Variants in SUPT3H observed in about 807,000 individuals in gnomAD.
The protein encoded by SUPT3H is SPT3 homolog, SAGA and STAGA complex component, also known as transcription initiation protein SPT3 homolog.
A neutral mutation model predicts 44.3 loss-of-function variants in SUPT3H; 44 were observed. The observed-to-expected ratio is 0.99, with a 90% CI of 0.78 to 1.28. SUPT3H has a LOEUF of 1.28. Ranked by LOEUF, SUPT3H falls within the 50% of genes most tolerant of loss-of-function variation. The pLI is 0.00. For missense variants in SUPT3H, 380 were observed against 387.1 expected (o/e 0.98, Z 0.15); for synonymous variants, 124 against 125.6 (o/e 0.99, Z 0.09).
intron 10 of SUPT3H, among the ~76,000 whole-genome samples, chr6:44,907,134 C>CA (rs1766233726): frequency 6.6e-6 from 1 of 152,080 alleles, no homozygotes; most frequent in Non-Finnish European, 1.5e-5. Flanking sequence ...ATAACAAAAA[C>CA]CATTATGTTT....
intron 2 of SUPT3H, among the ~76,000 whole-genome samples, chr6:45,295,954 T>C (rs1781122655): frequency 6.6e-6 from 1 of 152,116 alleles, no homozygotes; most frequent in Non-Finnish European, 1.5e-5. Flanking sequence ...AACTACCATT[T>C]GATCCAGCAA....
intron 2 of SUPT3H, among the ~76,000 whole-genome samples, chr6:45,279,817 C>A (rs530564961): frequency 1.3e-5 from 2 of 152,150 alleles, no homozygotes; most frequent in Non-Finnish European, 2.9e-5. Flanking sequence ...TATATCCGGT[C>A]CAGAAATCTC....
chr6:45,230,680 A>ATT (rs1257695683), intron 2 of SUPT3H, among the ~76,000 whole-genome samples: 5 of 110,974 alleles, frequency 4.5e-5, no homozygotes, highest in African/African-American at 1.8e-4. Context: ...ATATATATAT[A>ATT]TATATATTTT....
chr6:44,847,634 T>C lies in SUPT3H; in HGVS notation c.913-17777A>G, dbSNP rs1772101479. On this transcript the variant is annotated intron_variant, in intron 10 of 10. Transcript: ENST00000371459. ...TTCTGAGTAGCTGGGACTACAGGCATGTGCCACCATGCCCAGCTAATTTTT... is the reference window on the plus strand; with the variant it reads ...TTCTGAGTAGCTGGGACTACAGGCACGTGCCACCATGCCCAGCTAATTTTT... Among the ~76,000 whole-genome samples, 5 of 151,896 alleles carry C rather than the reference T, an allele frequency of 3.3e-5. No individual in the cohort carries two copies. In the South Asian group the frequency reaches 1.0e-3, roughly 32 times the overall value.
chr6:44,940,816 ACTTT>A (rs774392945), intron 9 of SUPT3H, among the ~76,000 whole-genome samples: 13 of 152,114 alleles, frequency 8.5e-5, no homozygotes, highest in South Asian at 6.2e-4. Context: ...TTATGTAGTG[ACTTT>A]CTTTGTCTTT....
intron 2 of SUPT3H, among the ~76,000 whole-genome samples, chr6:45,334,483 G>A (rs1182586960): frequency 2.1e-5 from 3 of 141,910 alleles, no homozygotes; most frequent in African/African-American, 7.7e-5. Context: ...AAAGTTAAAT[G>A]CTAGCCAAAT....
At chr6:45,104,473 T>C (rs1799008300) in intron 3 of SUPT3H, among the ~76,000 whole-genome samples, 1 of 150,180 alleles carries the variant, frequency 6.7e-6, no homozygotes, top group Non-Finnish European at 1.5e-5. Flanking sequence ...AATTCCACTA[T>C]CTTTCAAATC....
chr6:45,252,393 C>T (rs761288429), intron 2 of SUPT3H, among the ~76,000 whole-genome samples: 4 of 152,092 alleles, frequency 2.6e-5, no homozygotes, highest in Non-Finnish European at 5.9e-5. Context: ...AATATTATTT[C>T]TATTAATGAA....
At chr6:45,335,531 A>G (rs1788375475) in intron 2 of SUPT3H, among the ~76,000 whole-genome samples, 1 of 151,274 alleles carries the variant, frequency 6.6e-6, no homozygotes, top group African/African-American at 2.4e-5. Context: ...TTTTTAGATA[A>G]AAGTAAATTC....
chr6:45,017,045 G>A (rs1784396480), intron 4 of SUPT3H, among the ~76,000 whole-genome samples: 1 of 151,576 alleles, frequency 6.6e-6, no homozygotes, highest in South Asian at 2.1e-4. Context: ...TCTAACTGGT[G>A]TGAGATGGTA....
chr6:45,189,941 CT>C (rs1220326927), intron 2 of SUPT3H, among the ~76,000 whole-genome samples: 1 of 152,266 alleles, frequency 6.6e-6, no homozygotes, highest in Admixed American at 6.5e-5. Flanking sequence ...AAAATTTAAA[CT>C]TTTTAATGTA....
At chr6:45,274,517 T>C (rs953784229) in intron 2 of SUPT3H, among the ~76,000 whole-genome samples, 58 of 152,230 alleles carry the variant, frequency 3.8e-4, no homozygotes, top group Non-Finnish European at 1.0e-4. Flanking sequence ...AATTATTTCA[T>C]GTTGTTCCAG....
In SUPT3H at chr6:44,827,243, A is replaced by C. The variant is rs910890360; in HGVS notation, c.*2573T>G. On this transcript the variant is annotated 3_prime_UTR_variant, in exon 11 of 11. Coordinates refer to ENST00000371459, the MANE Select transcript of SUPT3H (RefSeq NM_003599.4). ...AGACTGTTTACTTAATACCACAGTC[A>C]CACTGAAGATTTTACTATATAACAC... is the stretch of plus-strand genomic sequence containing the variant. Among the ~76,000 whole-genome samples the C allele has an allele frequency of 6.6e-6, 1 of 152,222 alleles. No homozygotes were observed. Among genetic ancestry groups the C allele is most frequent in the African/African-American group, 2.4e-5 (1 of 41,470 alleles).
At chr6:45,274,231 G>A (rs1776663610) in intron 2 of SUPT3H, among the ~76,000 whole-genome samples, 1 of 152,172 alleles carries the variant, frequency 6.6e-6, no homozygotes. Flanking sequence ...TTCTCCCATT[G>A]AGTGAACTGT....
At chr6:45,346,935 A>G (rs919164244) in intron 2 of SUPT3H, among the ~76,000 whole-genome samples, 2 of 152,182 alleles carry the variant, frequency 1.3e-5, no homozygotes, top group African/African-American at 4.8e-5. Context: ...ACAAGTGCCT[A>G]AACAAAAAGT....
At chr6:44,879,115 C>T (rs188429889) in intron 10 of SUPT3H, among the ~76,000 whole-genome samples, 4 of 152,228 alleles carry the variant, frequency 2.6e-5, no homozygotes, top group Admixed American at 2.6e-4. Context: ...AGCCAGGGAG[C>T]CAAGTGGTCT....
rs549857867 is a variant in SUPT3H at position 44,827,770 on chromosome 6, G to T, written c.*2046C>A. ...ATTGAGCAATTATGGGGACATGTAG[G>T]CTGGTTCAGGACAGACATAAATGAC... On this transcript the variant is annotated 3_prime_UTR_variant, in exon 11 of 11. Coordinates refer to ENST00000371459, the MANE Select transcript of SUPT3H (RefSeq NM_003599.4). Among the ~76,000 whole-genome samples the T allele has an allele frequency of 6.6e-6, 1 of 152,196 alleles. No individual in the cohort carries two copies. The highest frequency in any genetic ancestry group is 1.9e-4 in the East Asian group (1 of 5,188).
chr6:45,171,821 G>A (rs753944526), intron 2 of SUPT3H, among the ~76,000 whole-genome samples: 3 of 141,090 alleles, frequency 2.1e-5, no homozygotes, highest in East Asian at 4.4e-4. Context: ...AGGTTCAAGC[G>A]ATTCTCCTGC....
chr6:45,342,862 T>C (rs1481809869), intron 2 of SUPT3H, among the ~76,000 whole-genome samples: 2 of 152,198 alleles, frequency 1.3e-5, no homozygotes, highest in Non-Finnish European at 2.9e-5. Context: ...TTACAAGATA[T>C]TTGTAAATCG....
Sources: allele counts gnomAD v4.1 joint callset (sites outside exome capture counted in the v4.1 genomes callset), GRCh38; gene constraint gnomAD v4.1.1; transcripts MANE v1.5; gene names NCBI Gene and HGNC (gene_info 2026-07-23, HGNC 2026-07-21).